The following ZNF804B variants were observed in gnomAD, a reference collection of about 807,000 sequenced individuals.
The protein encoded by ZNF804B is zinc finger protein 804B, also known as zinc finger 804B.
Under a neutral mutation model 101.4 loss-of-function variants are expected in ZNF804B, and 80 were observed. That is an observed-to-expected ratio of 0.79 (90% CI 0.66 to 0.95). The LOEUF is 0.95. ZNF804B is among the 40% of genes least tolerant of loss of function. ZNF804B has a pLI of 0.00. For missense variants in ZNF804B, 1,673 were observed against 1,561.9 expected (o/e 1.07, Z -1.20); for synonymous variants, 622 against 558.8 (o/e 1.11, Z -1.59).
chr7:88,946,637 C>T lies in ZNF804B; in HGVS notation c.108+186553C>T, dbSNP rs1793134625. 2.0e-5 allele frequency among the ~76,000 whole-genome samples: 3 copies of T among 150,828 alleles called. No individual in the cohort carries two copies. The South Asian group carries it at 6.3e-4, about 32-fold the overall frequency. ...CTCATAAAATGAGTTAGGAAGGAGT[C>T]CCTCTTTTTCTATTCTTTGGAATAG... On this transcript the variant is annotated intron_variant, in intron 1 of 3. Coordinates refer to ENST00000333190, the MANE Select transcript of ZNF804B (RefSeq NM_181646.5).
rs73397319 is a variant in ZNF804B, at chr7:88,923,491, C to T, written c.108+163407C>T. On this transcript the variant is annotated intron_variant, in intron 1 of 3. Coordinates refer to ENST00000333190, the MANE Select transcript of ZNF804B (RefSeq NM_181646.5). Reference sequence around the variant, plus strand: ...TAATGAAGACTGTGTTTATCAAAGACAAAGTAACTGATTCAACTTGTTCAA... The same window carrying T: ...TAATGAAGACTGTGTTTATCAAAGATAAAGTAACTGATTCAACTTGTTCAA... Among the ~76,000 whole-genome samples, 406 of 152,174 alleles carry T rather than the reference C, an allele frequency of 2.7e-3. 3 individuals carry two copies. The highest frequency in any genetic ancestry group is 9.7e-3 in the African/African-American group (401 of 41,536).
intron 1 of ZNF804B, among the ~76,000 whole-genome samples, chr7:88,804,409 A>AT (rs749331873): frequency 1.3e-5 from 2 of 152,138 alleles, no homozygotes; most frequent in African/African-American, 4.8e-5. Context: ...TGCTTCGAAA[A>AT]TACCTTAAGA....
intron 2 of ZNF804B, among the ~76,000 whole-genome samples, chr7:89,303,936 A>T (rs1419464975): frequency 6.6e-6 from 1 of 151,906 alleles, no homozygotes; most frequent in Non-Finnish European, 1.5e-5. Flanking sequence ...GCTGGTACAC[A>T]TATATTTTCC....
chr7:88,866,631 AG>A (rs1791731273), intron 1 of ZNF804B, among the ~76,000 whole-genome samples: 1 of 152,234 alleles, frequency 6.6e-6, no homozygotes, highest in Non-Finnish European at 1.5e-5. Flanking sequence ...TTTTCCGCCC[AG>A]GTCTGCAGCC....
intron 1 of ZNF804B, among the ~76,000 whole-genome samples, chr7:88,930,848 C>T (rs985252372): frequency 2.6e-5 from 4 of 151,816 alleles, no homozygotes; most frequent in Non-Finnish European, 5.9e-5. Context: ...TATAGATACA[C>T]CTATGATAAT....
At chr7:89,090,989 A>C (rs917578802) in intron 1 of ZNF804B, among the ~76,000 whole-genome samples, 2 of 152,194 alleles carry the variant, frequency 1.3e-5, no homozygotes, top group African/African-American at 4.8e-5. Flanking sequence ...CATTTTGAGG[A>C]AAGTTTGGAC....
intron 1 of ZNF804B, among the ~76,000 whole-genome samples, chr7:88,998,758 C>G (rs1788239785): frequency 6.6e-6 from 1 of 151,948 alleles, no homozygotes; most frequent in Non-Finnish European, 1.5e-5. Context: ...GGAGGTGGGA[C>G]AATTTCTTCC....
Position 89,278,820 on chromosome 7 carries a change from A to T in ZNF804B, c.250-48524A>T, listed in dbSNP as rs1160338806. Among the ~76,000 whole-genome samples the T allele has an allele frequency of 2.0e-5, 3 of 151,536 alleles. 1 individual carries two copies. Among genetic ancestry groups the T allele is most frequent in the African/African-American group, 7.3e-5 (3 of 41,158 alleles). On this transcript the variant is annotated intron_variant, in intron 2 of 3. Transcript: ENST00000333190. ...GCTTTGTTCTTTTGGCTTAGGATTG[A>T]CTTGGCGATGCAGGCTCTTTTTTGG...
chr7:89,235,499 A>G (rs1789266687), intron 2 of ZNF804B, among the ~76,000 whole-genome samples: 1 of 152,224 alleles, frequency 6.6e-6, no homozygotes, highest in Admixed American at 6.5e-5. Context: ...TATGTTTCAA[A>G]CACAATTAAG....
intron 1 of ZNF804B, among the ~76,000 whole-genome samples, chr7:89,100,932 G>A (rs1337079867): frequency 1.3e-5 from 2 of 151,980 alleles, no homozygotes; most frequent in Admixed American, 6.6e-5. Flanking sequence ...ATGTGTGTGT[G>A]TGTCTGTGTG....
chr7:88,871,124 A>C (rs1791817296), intron 1 of ZNF804B, among the ~76,000 whole-genome samples: 1 of 152,210 alleles, frequency 6.6e-6, no homozygotes, highest in African/African-American at 2.4e-5. Flanking sequence ...TTTAGGAATA[A>C]ATGATTGATA....
intron 2 of ZNF804B, among the ~76,000 whole-genome samples, chr7:89,275,054 G>A (rs1012568587): frequency 6.6e-6 from 1 of 151,968 alleles, no homozygotes; most frequent in Non-Finnish European, 1.5e-5. Context: ...CAACAGACTT[G>A]CATCTGTATT....
chr7:88,773,767 G>C (rs933181442), intron 1 of ZNF804B, among the ~76,000 whole-genome samples: 3 of 151,994 alleles, frequency 2.0e-5, no homozygotes, highest in African/African-American at 7.3e-5. Context: ...TAAAGTGGGA[G>C]CCTGCATGTC....
intron 1 of ZNF804B, among the ~76,000 whole-genome samples, chr7:88,773,983 A>C (rs1231644983): frequency 2.6e-5 from 4 of 152,048 alleles, no homozygotes; most frequent in African/African-American, 7.2e-5. Context: ...CAAATATCCA[A>C]ACTGTATCAG....
At chr7:88,782,971 T>C (rs1790252414) in intron 1 of ZNF804B, among the ~76,000 whole-genome samples, 1 of 152,184 alleles carries the variant, frequency 6.6e-6, no homozygotes, top group Non-Finnish European at 1.5e-5. Context: ...ACAGAATCAC[T>C]GGCACTTCTG....
At chr7:89,171,096 C>T (rs1300573694) in intron 1 of ZNF804B, among the ~76,000 whole-genome samples, 3 of 152,190 alleles carry the variant, frequency 2.0e-5, no homozygotes, top group Non-Finnish European at 4.4e-5. Context: ...TGGTCTGCCT[C>T]TAGCCTTAAC....
intron 1 of ZNF804B, among the ~76,000 whole-genome samples, chr7:89,178,732 T>C (rs1445362670): frequency 6.6e-6 from 1 of 152,160 alleles, no homozygotes; most frequent in Non-Finnish European, 1.5e-5. Flanking sequence ...AATATTCATA[T>C]TTTTCTTTGT....
Position 89,220,074 on chromosome 7 carries a change from T to TGC in ZNF804B, c.249+1780_249+1781insCG, listed in dbSNP as rs1235421678. Among the ~76,000 whole-genome samples the TGC allele has an allele frequency of 8.2e-4, 79 of 96,754 alleles. 4 individuals are homozygous for TGC. The highest frequency in any genetic ancestry group is 8.3e-4 in the African/African-American group (20 of 23,958). 63.5% of individuals were successfully genotyped at this position (96,754 alleles called of 152,430 possible). On this transcript the variant is annotated intron_variant, in intron 2 of 3. Transcript: ENST00000333190. ...ATATACATATATACGCACATATATG[T>TGC]GTATATACATATATATACGCACATA... is the stretch of plus-strand genomic sequence containing the variant.
chr7:89,139,080 C>T (rs1379723999), intron 1 of ZNF804B, among the ~76,000 whole-genome samples: 1 of 151,984 alleles, frequency 6.6e-6, no homozygotes, highest in Non-Finnish European at 1.5e-5. Flanking sequence ...CAGACCACTA[C>T]AATAAAGCAA....
Sources: allele counts gnomAD v4.1 joint callset (sites outside exome capture counted in the v4.1 genomes callset), GRCh38; gene constraint gnomAD v4.1.1; transcripts MANE v1.5; gene names NCBI Gene and HGNC (gene_info 2026-07-23, HGNC 2026-07-21).